Variants in TSHR observed in about 807,000 individuals in gnomAD.
TSHR encodes the protein thyrotropin receptor.
In TSHR, 51 loss-of-function variants were observed where a neutral mutation model predicts 64.1. The ratio of observed to expected loss-of-function variants is 0.80; its 90% CI spans 0.64 to 1.01. TSHR has a LOEUF of 1.01. TSHR is among the 50% of genes least tolerant of loss of function. The probability of loss-of-function intolerance (pLI) is 0.00; values close to 1 mark genes in which losing one functional copy is unlikely to be tolerated. For synonymous variants in TSHR, 361 were observed against 361.9 expected (o/e 1.00, Z 0.03); for missense variants, 877 against 942.8 (o/e 0.93, Z 0.91).
At chr14:81,057,061 C>T (rs1885862452) in intron 1 of TSHR, among the ~76,000 whole-genome samples, 1 of 152,196 alleles carries the variant, frequency 6.6e-6, no homozygotes, top group African/African-American at 2.4e-5. Flanking sequence ...TATTCTTTCA[C>T]AGTTTGCCAC....
chr14:81,067,803 G>C (rs1366498596), intron 2 of TSHR, among the ~76,000 whole-genome samples: 2 of 148,946 alleles, frequency 1.3e-5, no homozygotes, highest in East Asian at 3.9e-4. Context: ...CATCAGAAAA[G>C]AACACTAGAG....
intron 8 of TSHR, among the ~76,000 whole-genome samples, chr14:81,127,360 A>C (rs1305969760): frequency 6.6e-6 from 1 of 152,192 alleles, no homozygotes; most frequent in African/African-American, 2.4e-5. Flanking sequence ...CACTTAAAAA[A>C]AAGTGGACCT....
intron 1 of TSHR, among the ~76,000 whole-genome samples, chr14:81,043,172 C>T (rs1172772658): frequency 6.6e-6 from 1 of 152,016 alleles, no homozygotes; most frequent in Non-Finnish European, 1.5e-5. Context: ...TAACATGATC[C>T]TATATCTAGA....
At chr14:81,109,451 A>G (rs949014130) in intron 8 of TSHR, among the ~76,000 whole-genome samples, 7 of 152,130 alleles carry the variant, frequency 4.6e-5, no homozygotes, top group Non-Finnish European at 8.8e-5. Context: ...AAAAAAACAA[A>G]GTGGAACACA....
chr14:81,016,119 C>T (rs1487743618), intron 1 of TSHR, among the ~76,000 whole-genome samples: 1 of 152,110 alleles, frequency 6.6e-6, no homozygotes, highest in African/African-American at 2.4e-5. Flanking sequence ...ATACTGATTT[C>T]ATTTCTTTGA....
In TSHR at chr14:81,103,787, T is replaced by C. The variant is rs1275059448; in HGVS notation, c.615-4588T>C. 1.0e-6 allele frequency: 1 copy of C among 985,338 alleles called. No homozygotes were observed. The highest frequency in any genetic ancestry group is 6.1e-5 in the Admixed American group (1 of 16,274). 61.0% of individuals were successfully genotyped at this position (985,338 alleles called of 1,614,324 possible). On this transcript the variant is annotated intron_variant, in intron 7 of 9. Coordinates refer to ENST00000298171, the MANE Select transcript of TSHR (RefSeq NM_000369.5). This position sits in a 1 kb window ranked among gnomAD's most constrained non-coding sequence, Gnocchi z 4.1. ...TCTTTCCACGCAATCTGCGTGGGGA[T>C]ATGTTGCTTCTCACAGAATGTCTGA...
chr14:81,039,966 C>A (rs978863473), intron 1 of TSHR, among the ~76,000 whole-genome samples: 1 of 151,652 alleles, frequency 6.6e-6, no homozygotes, highest in African/African-American at 2.4e-5. Flanking sequence ...ATAGAAAAAA[C>A]CCTAAATTCG....
intron 3 of TSHR, among the ~76,000 whole-genome samples, chr14:81,086,110 A>T (rs1372898989): frequency 6.6e-6 from 1 of 152,214 alleles, no homozygotes; most frequent in African/African-American, 2.4e-5. Context: ...TTTGGAAGTG[A>T]GGAGTTCTAA....
At chr14:81,095,045 T>A (rs7145351) in intron 6 of TSHR, among the ~76,000 whole-genome samples, 39,250 of 152,052 alleles carry the variant, frequency 0.26, 7,495 homozygotes, top group African/African-American at 0.54. Flanking sequence ...GTGCTTCTTA[T>A]TGTGTTCCCA....
At chr14:81,120,767 G>A (rs1385309214) in intron 8 of TSHR, among the ~76,000 whole-genome samples, 1 of 152,092 alleles carries the variant, frequency 6.6e-6, no homozygotes, top group Non-Finnish European at 1.5e-5. Context: ...AAAGGAACTT[G>A]GAAGGAACAG....
At chr14:81,086,139 G>T (rs986798627) in intron 3 of TSHR, among the ~76,000 whole-genome samples, 2 of 152,214 alleles carry the variant, frequency 1.3e-5, no homozygotes, top group Admixed American at 1.3e-4. Context: ...GGTATAAACT[G>T]TTGATGCTTT....
intron 7 of TSHR, among the ~76,000 whole-genome samples, chr14:81,098,650 G>A (rs2300530): frequency 0.26 from 38,944 of 152,000 alleles, 7,455 homozygotes; most frequent in African/African-American, 0.54. Flanking sequence ...GACATAGAGT[G>A]CACCAAAAGT....
chr14:81,071,987 A>G (rs1428719783), intron 3 of TSHR, among the ~76,000 whole-genome samples: 1 of 152,218 alleles, frequency 6.6e-6, no homozygotes, highest in Non-Finnish European at 1.5e-5. Flanking sequence ...AACACATAGG[A>G]AACACAATGA....
intron 9 of TSHR, among the ~76,000 whole-genome samples, chr14:81,140,810 A>T (rs1199092143): frequency 1.3e-5 from 2 of 152,168 alleles, no homozygotes; most frequent in East Asian, 3.9e-4. Flanking sequence ...AGAAGCTAAA[A>T]CAGCCATACA....
intron 1 of TSHR, among the ~76,000 whole-genome samples, chr14:81,029,437 T>C (rs1053765590): frequency 1.1e-4 from 17 of 152,044 alleles, no homozygotes; most frequent in African/African-American, 4.1e-4. Context: ...GTGGGAGACA[T>C]GGAAGGGGAG....
At position 81,143,800 on chromosome 14, in the gene TSHR, C is replaced by T. The variant is rs1305132938; in HGVS notation, c.1742C>T (p.Ala581Val). ...GACACCGAGACCCCTCTTGCTCTGG[C>T]ATATATTGTTTTTGTTCTGACGCTC... ...PMDTETPLAL[A>V]YIVFVLTLNI... Residue 581 changes from alanine to valine, a missense_variant, in exon 10 of 10, where the codon GCA becomes GTA. Coordinates refer to ENST00000298171, the MANE Select transcript of TSHR (RefSeq NM_000369.5). The T allele has an allele frequency of 1.2e-6, 2 of 1,614,052 alleles. No homozygotes were observed. The highest frequency in any genetic ancestry group is 1.7e-5 in the Admixed American group (1 of 60,020).
chr14:81,002,781 C>CTTTTTT (rs1174635270), intron 1 of TSHR, among the ~76,000 whole-genome samples: 8 of 44,320 alleles, frequency 1.8e-4, no homozygotes, highest in Non-Finnish European at 2.4e-4. Flanking sequence ...CCTAATGCCT[C>CTTTTTT]TTTTTTTTTT....
At chr14:81,032,332 G>C (rs976723104) in intron 1 of TSHR, among the ~76,000 whole-genome samples, 6 of 152,152 alleles carry the variant, frequency 3.9e-5, no homozygotes, top group African/African-American at 1.4e-4. Context: ...TCAAATGCAG[G>C]AGCATGGAAA....
At chr14:81,062,607 C>T (rs1199741912) in intron 2 of TSHR, among the ~76,000 whole-genome samples, 1 of 152,112 alleles carries the variant, frequency 6.6e-6, no homozygotes, top group Non-Finnish European at 1.5e-5. Flanking sequence ...TCTTGAATCA[C>T]CTTTCACTAC....
Sources: gnomAD v4.1 joint callset for allele counts (sites outside exome capture counted in the v4.1 genomes callset) on GRCh38, gnomAD v4.1.1 for gene constraint, Gnocchi (gnomAD v3.1) non-coding constraint, MANE v1.5 for transcripts, NCBI Gene and HGNC (gene_info 2026-07-23, HGNC 2026-07-21) for gene names.